The following PDE3A variants were observed in gnomAD, a reference collection of about 807,000 sequenced individuals.
PDE3A encodes the protein cGMP-inhibited 3',5'-cyclic phosphodiesterase 3A.
Under a neutral mutation model 98.3 loss-of-function variants are expected in PDE3A, and 43 were observed. The observed-to-expected ratio is 0.44, with a 90% confidence interval of 0.34 to 0.56. The LOEUF is 0.56. Among genes scored for constraint, PDE3A ranks in the 20% least tolerant of loss-of-function variants. PDE3A has a pLI of 0.01. For missense variants in PDE3A, 1,427 were observed against 1,440.7 expected, an observed-to-expected ratio of 0.99 and a Z score of 0.15; for synonymous variants, 663 against 567.9, an observed-to-expected ratio of 1.17 and a Z score of -2.38.
rs569834111 is a variant in PDE3A, at chr12:20,630,282, A to C, written c.1760+155A>C. Among the ~76,000 whole-genome samples the C allele has an allele frequency of 7.2e-5, 11 of 152,348 alleles. No homozygotes were observed. The South Asian group carries it at 2.3e-3, about 32-fold the overall frequency. ...TGTGATTTGTGTTGAATAGGCTACA[A>C]TAAAAACTTATGTTTTAGTAGTTTT... On this transcript the variant is annotated intron_variant, in intron 6 of 15. Coordinates refer to ENST00000359062, the MANE Select transcript of PDE3A (RefSeq NM_000921.5).
chr12:20,569,813 A>T (rs550781460), intron 2 of PDE3A, among the ~76,000 whole-genome samples: 1 of 152,270 alleles, frequency 6.6e-6, no homozygotes, highest in Non-Finnish European at 1.5e-5. Flanking sequence ...AAGATTTAAG[A>T]ATCTGGATTG....
rs146972881 is a variant in PDE3A, at chr12:20,534,505, A to G, written c.961-22155A>G. The stretch of plus-strand genomic sequence containing the variant: ...TTAAAAGGATGTATGCCACGAAATA[A>G]GTGTTTTTATCTTCTCATCCATATT... On this transcript the variant is annotated intron_variant, in intron 1 of 15. Transcript: ENST00000359062. 4.1e-3 allele frequency among the ~76,000 whole-genome samples: 628 copies of G among 152,294 alleles called. 5 individuals carry two copies. Among genetic ancestry groups the G allele is most frequent in the African/African-American group, 0.014 (578 of 41,566 alleles).
At position 20,552,706 on chromosome 12, in the gene PDE3A, C is replaced by T; in HGVS notation, c.961-3954C>T. On this transcript the variant is annotated intron_variant, in intron 1 of 15. Coordinates refer to ENST00000359062, the MANE Select transcript of PDE3A (RefSeq NM_000921.5). This position sits in a 1 kb window ranked among gnomAD's most constrained non-coding sequence, Gnocchi z 5.1. ...CAGAGAGGACAAGAGCAACGCCAAG[C>T]TGTGGAATGAGGTCCTGGCGTCACT... 6.2e-7 allele frequency: 1 copy of T among 1,614,014 alleles called. No individual in the cohort carries two copies. Among genetic ancestry groups the T allele is most frequent in the Non-Finnish European group, 8.5e-7 (1 of 1,179,890 alleles).
At chr12:20,537,051 T>A (rs1941767506) in intron 1 of PDE3A, among the ~76,000 whole-genome samples, 1 of 151,960 alleles carries the variant, frequency 6.6e-6, no homozygotes. Context: ...CAACAACACT[T>A]GTTATTTTCT....
intron 1 of PDE3A, among the ~76,000 whole-genome samples, chr12:20,442,540 A>C (rs986004146): frequency 2.6e-5 from 4 of 152,196 alleles, no homozygotes; most frequent in Non-Finnish European, 5.9e-5. Flanking sequence ...GCATGGCCTC[A>C]CCAAATGTCA....
Position 20,369,779 on chromosome 12 carries a change from C to G in PDE3A, c.495C>G (p.Ala165=). The G allele has an allele frequency of 2.5e-6, 4 of 1,612,452 alleles. No individual in the cohort carries two copies. Among genetic ancestry groups the G allele is most frequent in the Non-Finnish European group, 3.4e-6 (4 of 1,179,686 alleles). Residue 165 remains alanine (A), a synonymous_variant, in exon 1 of 16, where the codon GCC becomes GCG. Transcript: ENST00000359062. ...VRLPLAVALL[A]ACCGGEALVQ... The stretch of plus-strand genomic sequence containing the variant: ...TGCCTCTGGCTGTCGCGCTGCTGGC[C>G]GCCTGCTGCGGGGGGGAAGCGCTCG...
chr12:20,681,152 T>G lies in PDE3A; in HGVS notation c.*881T>G, dbSNP rs1592183646. The G allele has an allele frequency of 6.6e-6, 1 of 152,130 alleles. No homozygotes were observed. The allele number at this position is 152,130 out of a possible 1,614,324, so 9.4% of individuals were successfully genotyped here. The stretch of plus-strand genomic sequence containing the variant: ...GTATTACATTACTGCTATGCACCAC[T>G]TGAAGGAGCTCTATCACCAGCCTCA... On this transcript the variant is annotated 3_prime_UTR_variant, in exon 16 of 16. Transcript: ENST00000359062.
At chr12:20,662,036 CAG>C (rs1184186238) in intron 15 of PDE3A, among the ~76,000 whole-genome samples, 2 of 152,210 alleles carry the variant, frequency 1.3e-5, no homozygotes, top group African/African-American at 2.4e-5. Flanking sequence ...TGTAAAGCCA[CAG>C]GGGCAGAGCT....
At chr12:20,522,342 T>A (rs752768844) in intron 1 of PDE3A, among the ~76,000 whole-genome samples, 11 of 152,158 alleles carry the variant, frequency 7.2e-5, no homozygotes, top group Non-Finnish European at 1.0e-4. Context: ...AATTCTCAAG[T>A]CCCCGGCCTA....
At chr12:20,476,761 C>G (rs1945538177) in intron 1 of PDE3A, among the ~76,000 whole-genome samples, 2 of 152,082 alleles carry the variant, frequency 1.3e-5, no homozygotes, top group Non-Finnish European at 2.9e-5. Flanking sequence ...AAAGGCCTTG[C>G]CCAAAGAGCA....
intron 1 of PDE3A, among the ~76,000 whole-genome samples, chr12:20,494,933 G>C (rs145914949): frequency 0.021 from 3,126 of 151,442 alleles, 65 homozygotes; most frequent in Middle Eastern, 0.13. Flanking sequence ...ATGGCAGTCT[G>C]TTCTAAATTC....
intron 1 of PDE3A, among the ~76,000 whole-genome samples, chr12:20,373,918 T>G (rs2120506783): frequency 6.6e-6 from 1 of 152,258 alleles, no homozygotes; most frequent in South Asian, 2.1e-4. Context: ...GACAAAAAAC[T>G]TGCTTATTTC....
chr12:20,553,865 G>A (rs1942287597), intron 1 of PDE3A, among the ~76,000 whole-genome samples: 1 of 151,790 alleles, frequency 6.6e-6, no homozygotes. Flanking sequence ...CCAGATTCTA[G>A]AAACTGCGGT....
chr12:20,639,765 A>C, intron 9 of PDE3A, 81 bp from the exon 10 acceptor site: 1 of 674,786 alleles, frequency 1.5e-6, no homozygotes, highest in South Asian at 1.8e-5. Flanking sequence ...CGTTACCGAT[A>C]TTTACCTAGT....
At chr12:20,370,389 G>GTTTTTTTTTTTGTTTTTTTTTGT (rs1407334826) in intron 1 of PDE3A, 145 bp downstream of exon 1, 4 of 425,096 alleles carry the variant, frequency 9.4e-6, no homozygotes, top group Non-Finnish European at 1.5e-5. Flanking sequence ...AAACTAGCAG[G>GTTTTTTTTTTTGTTTTTTTTTGT]TTTTTTTTTT....
chr12:20,537,480 ATTAT>A (rs1592032254), intron 1 of PDE3A, among the ~76,000 whole-genome samples: 1 of 152,054 alleles, frequency 6.6e-6, no homozygotes, highest in African/African-American at 2.4e-5. Context: ...TGCATCTACT[ATTAT>A]TTATTTTCGT....
intron 15 of PDE3A, among the ~76,000 whole-genome samples, chr12:20,664,887 A>G (rs545950252): frequency 1.3e-5 from 2 of 152,254 alleles, no homozygotes; most frequent in Non-Finnish European, 2.9e-5. Context: ...TCCCTTTCTC[A>G]GTACATCTTA....
intron 1 of PDE3A, among the ~76,000 whole-genome samples, chr12:20,471,387 T>A (rs1372285891): frequency 6.6e-6 from 1 of 152,146 alleles, no homozygotes; most frequent in Non-Finnish European, 1.5e-5. Flanking sequence ...TGGTGTTTTT[T>A]AAAGAGCTCC....
intron 1 of PDE3A, among the ~76,000 whole-genome samples, chr12:20,474,961 C>CT (rs930893873): frequency 1.6e-4 from 24 of 151,462 alleles, no homozygotes; most frequent in East Asian, 5.8e-4. Context: ...ATAAATTTAT[C>CT]TTTTTTTTTA....
Sources: gnomAD v4.1 joint callset for allele counts (sites outside exome capture counted in the v4.1 genomes callset) on GRCh38, gnomAD v4.1.1 for gene constraint, Gnocchi (gnomAD v3.1) non-coding constraint, MANE v1.5 for transcripts, NCBI Gene and HGNC (gene_info 2026-07-23, HGNC 2026-07-21) for gene names.